ASH1L: variants seen among roughly 807,000 people sequenced by gnomAD.
ASH1L encodes the protein ASH1 like histone lysine methyltransferase, also known as histone-lysine N-methyltransferase ASH1L.
In ASH1L, 23 loss-of-function variants were observed where a neutral mutation model predicts 269.0. The ratio of observed to expected loss-of-function variants is 0.09; its 90% CI spans 0.06 to 0.12. The LOEUF (loss-of-function observed/expected upper bound fraction) is 0.12, where lower values mean the gene tolerates loss of function less well. Ranked by LOEUF, ASH1L falls within the 10% of genes least tolerant of loss-of-function variation. The pLI, the probability that ASH1L is intolerant of heterozygous loss-of-function variation, is 1.00. For synonymous variants in ASH1L, 1,187 were observed against 1,253.5 expected (o/e 0.95, Z 1.12); for missense variants, 2,912 against 3,567.8 (o/e 0.82, Z 4.68).
intron 1 of ASH1L, among the ~76,000 whole-genome samples, chr1:155,545,173 A>C (rs1334323737): frequency 5.6e-4 from 64 of 114,648 alleles, no homozygotes; most frequent in Non-Finnish European, 1.0e-3. Flanking sequence ...ACTCCATCTC[A>C]CCAAAAAAAA....
chr1:155,550,581 G>T (rs978764717), intron 1 of ASH1L, among the ~76,000 whole-genome samples: 1 of 152,148 alleles, frequency 6.6e-6, no homozygotes, highest in African/African-American at 2.4e-5. Context: ...TCATGCCCCA[G>T]ATAGTTGCAC....
chr1:155,352,657 AG>A (rs1654037486), intron 17 of ASH1L, 48 bp downstream of exon 17: 2 of 1,518,162 alleles, frequency 1.3e-6, no homozygotes, highest in African/African-American at 2.8e-5. Flanking sequence ...TAAAAAAAAA[AG>A]AAAAAGAAAA....
At chr1:155,385,662 T>A (rs1487654601) in intron 7 of ASH1L, among the ~76,000 whole-genome samples, 1 of 152,098 alleles carries the variant, frequency 6.6e-6, no homozygotes, top group South Asian at 2.1e-4. Context: ...AAATAACATA[T>A]GATTTTAAAT....
At chr1:155,429,485 A>G (rs1661441457) in intron 5 of ASH1L, among the ~76,000 whole-genome samples, 1 of 151,424 alleles carries the variant, frequency 6.6e-6, no homozygotes, top group South Asian at 2.1e-4. Context: ...GCTACTCTCA[A>G]ACTCCTGGGT....
chr1:155,337,630 C>A lies in ASH1L; in HGVS notation c.*30G>T. On this transcript the variant is annotated 3_prime_UTR_variant, in exon 28 of 28. Coordinates refer to ENST00000392403, the MANE Select transcript of ASH1L (RefSeq NM_018489.3). ...AGGACTGATTAGCTCCACTGGATCC[C>A]AGATGCTTGAGGTTCTCATTCTTTG... 1 of 1,590,162 alleles carries A rather than the reference C, an allele frequency of 6.3e-7. No homozygotes were observed. The highest frequency in any genetic ancestry group is 8.6e-7 in the Non-Finnish European group (1 of 1,158,576).
In ASH1L at chr1:155,451,766, G is replaced by A. The variant is rs539706413; in HGVS notation, c.5086+8031C>T. Among the ~76,000 whole-genome samples, 5 of 152,162 alleles carry A rather than the reference G, an allele frequency of 3.3e-5. No homozygotes were observed. In the South Asian group the frequency reaches 1.0e-3, roughly 32 times the overall value. ...ATGGGGAGTCTAGCTCCATCTCCTA[G>A]GCTGGAGTGCACTGGTGTGATCTCA... On this transcript the variant is annotated intron_variant, in intron 4 of 27. Coordinates refer to ENST00000392403, the MANE Select transcript of ASH1L (RefSeq NM_018489.3).
At chr1:155,516,618 C>G (rs937121546) in intron 2 of ASH1L, among the ~76,000 whole-genome samples, 6 of 152,090 alleles carry the variant, frequency 3.9e-5, no homozygotes, top group Non-Finnish European at 7.4e-5. Flanking sequence ...AACAGCAAGA[C>G]CCCATCTCTA....
intron 13 of ASH1L, 35 bp downstream of exon 13, chr1:155,360,266 A>C (rs751623453): frequency 1.5e-6 from 2 of 1,359,188 alleles, no homozygotes; most frequent in Non-Finnish European, 2.1e-6. Context: ...GTAAGGGATA[A>C]AGTTCAATCT....
At chr1:155,375,979 CTT>C (rs1405034461) in intron 10 of ASH1L, among the ~76,000 whole-genome samples, 2 of 152,138 alleles carry the variant, frequency 1.3e-5, no homozygotes, top group Non-Finnish European at 2.9e-5. Context: ...TGACACGCGT[CTT>C]TAGTCTCAGC....
Position 155,350,090 on chromosome 1 carries a change from C to T in ASH1L, c.7367-494G>A, listed in dbSNP as rs181703384. Among the ~76,000 whole-genome samples the T allele has an allele frequency of 1.9e-3, 296 of 151,914 alleles. 2 individuals are homozygous for T. Among genetic ancestry groups the T allele is most frequent in the African/African-American group, 6.8e-3 (282 of 41,416 alleles). On this transcript the variant is annotated intron_variant, in intron 17 of 27. Transcript: ENST00000392403. ...ATTTTTAGTAGAGACGAGGTTTCAC[C>T]ATGTTAGCCAGGCTGGTCTCGATCT...
chr1:155,550,698 A>G (rs770010516), intron 1 of ASH1L, among the ~76,000 whole-genome samples: 2 of 152,130 alleles, frequency 1.3e-5, no homozygotes, highest in African/African-American at 2.4e-5. Flanking sequence ...TACCACATCT[A>G]TCATCAAAAT....
chr1:155,535,143 C>T (rs993826369), intron 1 of ASH1L, among the ~76,000 whole-genome samples: 5 of 150,060 alleles, frequency 3.3e-5, no homozygotes, highest in African/African-American at 9.9e-5. Flanking sequence ...GAGCCAAGAT[C>T]GTGCCATTGC....
chr1:155,490,035 C>G (rs1203113014), intron 2 of ASH1L, among the ~76,000 whole-genome samples: 4 of 150,758 alleles, frequency 2.7e-5, no homozygotes, highest in Non-Finnish European at 4.4e-5. Context: ...GTGGTGCCAT[C>G]TCGGCTCACT....
Position 155,357,341 on chromosome 1 carries a change from T to C in ASH1L, c.7030A>G (p.Met2344Val). 1 of 1,613,820 alleles carries C rather than the reference T, an allele frequency of 6.2e-7. No homozygotes were observed. The highest frequency in any genetic ancestry group is 8.5e-7 in the Non-Finnish European group (1 of 1,179,846). Reference sequence around the variant, plus strand: ...CTTTCACGATTGGACATTGGCTTCATCTGTAATTGGGGGGTCAATCTAGTT... The same window carrying C: ...CTTTCACGATTGGACATTGGCTTCACCTGTAATTGGGGGGTCAATCTAGTT... Reference protein sequence around the residue: ...TPTRLTPQLQMKPMSNRERNF... With the variant: ...TPTRLTPQLQVKPMSNRERNF... Residue 2344 changes from methionine to valine, a missense_variant, in exon 15 of 28, where the codon ATG (methionine) becomes GTG (valine). Around this residue, in one of 13 missense-constraint regions of ASH1L, gnomAD observed 309 missense variants for 435.1 expected, o/e 0.71. Coordinates refer to ENST00000392403, the MANE Select transcript of ASH1L (RefSeq NM_018489.3).
chr1:155,360,734 C>A (rs527845817), intron 12 of ASH1L, among the ~76,000 whole-genome samples: 1 of 152,138 alleles, frequency 6.6e-6, no homozygotes, highest in East Asian at 1.9e-4. Flanking sequence ...TGAGCCACCA[C>A]GCCTGGCCTC....
intron 1 of ASH1L, among the ~76,000 whole-genome samples, chr1:155,551,980 A>C (rs1264216084): frequency 6.6e-6 from 1 of 152,084 alleles, no homozygotes; most frequent in African/African-American, 2.4e-5. Flanking sequence ...CGTGTCAAAA[A>C]AGAAAAAGAA....
rs982243969 is a variant in ASH1L at position 155,352,863 on chromosome 1, A to T, written c.7214-5T>A. The T allele has an allele frequency of 1.3e-6, 2 of 1,585,778 alleles. No homozygotes were observed. The highest frequency in any genetic ancestry group is 2.7e-5 in the African/African-American group (2 of 73,296). ...AGAACTGGGTCATGAAGACATCTGG[A>T]AAAATAAAGTGAAAATTAAGTTACA... On this transcript the variant is annotated splice_region_variant and splice_polypyrimidine_tract_variant and intron_variant, in intron 16 of 27. Coordinates refer to ENST00000392403, the MANE Select transcript of ASH1L (RefSeq NM_018489.3).
chr1:155,481,274 A>C lies in ASH1L; in HGVS notation c.1596T>G (p.Phe532Leu). 6.2e-7 allele frequency: 1 copy of C among 1,614,130 alleles called. No homozygotes were observed. Among genetic ancestry groups the C allele is most frequent in the Non-Finnish European group, 8.5e-7 (1 of 1,179,996 alleles). The change falls in exon 3 of 28, where the codon TTT becomes TTG. Residue 532 changes from phenylalanine to leucine, a missense_variant. By Grantham distance (22) the Phe-to-Leu change is conservative. Coordinates refer to ENST00000392403, the MANE Select transcript of ASH1L (RefSeq NM_018489.3). Reference sequence around the variant, plus strand: ...ATACATCAGAAGCACCTCCCATTTTAAAGTCCGGAGAAGTGCAATATACAG... The same window carrying C: ...ATACATCAGAAGCACCTCCCATTTTCAAGTCCGGAGAAGTGCAATATACAG... ...QPPVYCTSPD[F>L]KMGGASDVST...
At chr1:155,384,715 C>T (rs1416398874) in intron 7 of ASH1L, among the ~76,000 whole-genome samples, 1 of 151,986 alleles carries the variant, frequency 6.6e-6, no homozygotes, top group African/African-American at 2.4e-5. Context: ...TGTTAGTGTA[C>T]TGAAATGTGA....
Sources: gnomAD v4.1 joint callset for allele counts (sites outside exome capture counted in the v4.1 genomes callset) on GRCh38, gnomAD v4.1.1 for gene constraint, gnomAD v4.1.1 regional missense constraint, MANE v1.5 for transcripts, NCBI Gene and HGNC (gene_info 2026-07-23, HGNC 2026-07-21) for gene names.